The following BAZ1A variants were observed in gnomAD, a reference collection of about 807,000 sequenced individuals.
The protein encoded by BAZ1A is bromodomain adjacent to zinc finger domain protein 1A.
In BAZ1A, 50 loss-of-function variants were observed where a neutral mutation model predicts 185.2. The ratio of observed to expected loss-of-function variants is 0.27; its 90% CI spans 0.22 to 0.34. The LOEUF is 0.34. BAZ1A is among the 10% of genes least tolerant of loss of function. The pLI is 1.00. For synonymous variants in BAZ1A, 571 were observed against 615.6 expected (o/e 0.93, Z 1.07); for missense variants, 1,356 against 1,839.9 (o/e 0.74, Z 4.81).
chr14:34,825,904 C>G, intron 4 of BAZ1A, 109 bp downstream of exon 4: 1 of 1,148,656 alleles, frequency 8.7e-7, no homozygotes, highest in Non-Finnish European at 1.2e-6. Context: ...AGCCACTGTA[C>G]TCCAGCCTGG....
chr14:34,810,129 T>C (rs1181602744), intron 5 of BAZ1A, among the ~76,000 whole-genome samples: 2 of 152,036 alleles, frequency 1.3e-5, no homozygotes, highest in Non-Finnish European at 2.9e-5. Flanking sequence ...CATGAATATA[T>C]ATGGAACAAA....
At chr14:34,770,624 C>G (rs1336678086) in intron 21 of BAZ1A, among the ~76,000 whole-genome samples, 2 of 152,112 alleles carry the variant, frequency 1.3e-5, no homozygotes, top group Non-Finnish European at 2.9e-5. Flanking sequence ...GAATTAGAGA[C>G]AGTTATGATA....
chr14:34,793,711 G>A (rs548084465), intron 11 of BAZ1A, among the ~76,000 whole-genome samples: 98 of 152,290 alleles, frequency 6.4e-4, no homozygotes, highest in African/African-American at 2.2e-3. Context: ...TTGGGAGGCC[G>A]AGGCGGGCAG....
chr14:34,826,031 C>T lies in BAZ1A; in HGVS notation c.518G>A (p.Ser173Asn). The change falls in exon 4 of 27, where the codon AGC becomes AAC. Residue 173 changes from serine (S) to asparagine (N), a missense_variant. Ser to Asn is a conservative substitution (Grantham distance 46). This residue lies in a region of BAZ1A where 332 missense variants were observed against 395.3 expected (regional missense o/e 0.84). Coordinates refer to ENST00000360310, the MANE Select transcript of BAZ1A (RefSeq NM_013448.3). ...CACTTACCCATTTTGAAAAGAACAG[C>T]TTTGTGTTTCTGAATCATCACTATC... ...ISDSDDSETQ[S>N]CSFQNGKKKD... is the part of the protein sequence containing the mutation. 1.3e-6 allele frequency: 2 copies of T among 1,578,630 alleles called. No individual in the cohort carries two copies. Among genetic ancestry groups the T allele is most frequent in the Non-Finnish European group, 1.7e-6 (2 of 1,162,014 alleles).
intron 3 of BAZ1A, among the ~76,000 whole-genome samples, chr14:34,841,477 C>T (rs961989048): frequency 2.0e-4 from 30 of 152,060 alleles, no homozygotes; most frequent in African/African-American, 6.3e-4. Context: ...TTGCAACCTC[C>T]GCCTCCTGGG....
In BAZ1A at chr14:34,754,493, A is replaced by C. The variant is rs1004020792; in HGVS notation, c.4474+334T>G. Among the ~76,000 whole-genome samples the C allele has an allele frequency of 2.6e-5, 4 of 152,144 alleles. No homozygotes were observed. The South Asian group carries it at 8.3e-4, about 31-fold the overall frequency. ...AACAAGGTAGCAGAACTGAGGCTTA[A>C]AACTGTTTAACTGTAAATACTTTAA... On this transcript the variant is annotated intron_variant, in intron 26 of 26. Transcript: ENST00000360310.
intron 6 of BAZ1A, among the ~76,000 whole-genome samples, 153 bp from the exon 7 acceptor site, chr14:34,803,141 G>A (rs569539659): frequency 7.9e-4 from 120 of 152,276 alleles, no homozygotes; most frequent in African/African-American, 2.7e-3. Flanking sequence ...AGCACTTTGG[G>A]AGGCCGAGGC....
chr14:34,823,169 C>T (rs1191838563), intron 4 of BAZ1A, among the ~76,000 whole-genome samples: 4 of 152,022 alleles, frequency 2.6e-5, no homozygotes. Context: ...GCCTGGCCAT[C>T]ATGGTGAAAC....
rs185991610 is a variant in BAZ1A, at chr14:34,784,560, C to T, written c.1832-633G>A. Among the ~76,000 whole-genome samples the T allele has an allele frequency of 6.0e-3, 912 of 151,744 alleles. 6 individuals carry two copies. Among genetic ancestry groups the T allele is most frequent in the African/African-American group, 0.02 (841 of 41,418 alleles). On this transcript the variant is annotated intron_variant, in intron 14 of 26. Coordinates refer to ENST00000360310, the MANE Select transcript of BAZ1A (RefSeq NM_013448.3). ...TGAGACGGAGTCTCGCTCTGACGCC[C>T]AGGCTGGAGTGCAGTGGCGCGATCT... is the stretch of plus-strand genomic sequence containing the variant.
intron 2 of BAZ1A, among the ~76,000 whole-genome samples, chr14:34,866,502 A>AAAAAAAAAAAAAAAAAAAAAAAAGAAAG: frequency 8.8e-5 from 7 of 79,534 alleles, no homozygotes; most frequent in East Asian, 2.7e-4. Context: ...AAAAAAAAAA[A>AAAAAAAAAAAAAAAAAAAAAAAAGAAAG]GAAAAAAGTT....
At position 34,874,948 on chromosome 14, in the gene BAZ1A, CT is replaced by C. The variant is rs1342043278; in HGVS notation, c.-59+189del. On this transcript the variant is annotated intron_variant, in intron 1 of 26. Coordinates refer to ENST00000360310, the MANE Select transcript of BAZ1A (RefSeq NM_013448.3). This position sits in a 1 kb window ranked among gnomAD's most constrained non-coding sequence, Gnocchi z 4.7. The stretch of plus-strand genomic sequence containing the variant: ...GCAGTGCGGGAGCGGCGGCGGCCCC[CT>C]CCCCCAGCGCCGGCTCCTCGCCCGC... The C allele has an allele frequency of 6.6e-6, 1 of 151,656 alleles. No individual in the cohort carries two copies. The highest frequency in any genetic ancestry group is 1.5e-5 in the Non-Finnish European group (1 of 68,766). The allele number at this position is 151,656 out of a possible 1,614,324, so 9.4% of individuals were successfully genotyped here. A position where few individuals can be genotyped will look rare whatever the true frequency, so the allele number is the denominator to read the frequency against.
intron 2 of BAZ1A, among the ~76,000 whole-genome samples, chr14:34,863,959 G>A (rs1182978725): frequency 6.6e-6 from 1 of 151,654 alleles, no homozygotes; most frequent in African/African-American, 2.4e-5. Flanking sequence ...GAGTATTTGG[G>A]ACTACAGGTG....
intron 3 of BAZ1A, among the ~76,000 whole-genome samples, chr14:34,833,514 C>G (rs181358709): frequency 6.6e-6 from 1 of 151,950 alleles, no homozygotes; most frequent in African/African-American, 2.4e-5. Context: ...TGCGACAGAG[C>G]GAGACTCCAT....
chr14:34,858,937 A>G (rs973855524), intron 3 of BAZ1A, among the ~76,000 whole-genome samples: 1 of 152,170 alleles, frequency 6.6e-6, no homozygotes, highest in Non-Finnish European at 1.5e-5. Context: ...GGCAGGGATC[A>G]TGCCTGGCAT....
chr14:34,860,870 C>T (rs2042758487), intron 3 of BAZ1A, among the ~76,000 whole-genome samples: 1 of 151,960 alleles, frequency 6.6e-6, no homozygotes, highest in African/African-American at 2.4e-5. Flanking sequence ...TGCACTCCAG[C>T]CTGGGCAACA....
At chr14:34,863,325 G>A (rs554283851) in intron 2 of BAZ1A, among the ~76,000 whole-genome samples, 13 of 151,562 alleles carry the variant, frequency 8.6e-5, no homozygotes, top group Admixed American at 1.3e-4. Context: ...CACCACGCCC[G>A]GCTAATTTTG....
intron 4 of BAZ1A, among the ~76,000 whole-genome samples, chr14:34,813,133 A>G (rs1430491640): frequency 1.3e-5 from 2 of 152,196 alleles, no homozygotes; most frequent in Non-Finnish European, 2.9e-5. Context: ...CTGTAATTGC[A>G]GCACTTTGTG....
chr14:34,832,885 C>G (rs2138733983), intron 3 of BAZ1A, among the ~76,000 whole-genome samples: 1 of 152,240 alleles, frequency 6.6e-6, no homozygotes, highest in South Asian at 2.1e-4. Context: ...CAGTATTATT[C>G]ACAATAGCTA....
intron 21 of BAZ1A, among the ~76,000 whole-genome samples, chr14:34,765,534 C>T (rs1404151463): frequency 6.6e-6 from 1 of 152,150 alleles, no homozygotes; most frequent in East Asian, 1.9e-4. Context: ...ATAATTCAGA[C>T]AATGTGTTCT....
Sources: allele counts gnomAD v4.1 joint callset (sites outside exome capture counted in the v4.1 genomes callset), GRCh38; gene constraint gnomAD v4.1.1; regional missense constraint gnomAD v4.1.1; non-coding constraint Gnocchi (gnomAD v3.1); transcripts MANE v1.5; gene names NCBI Gene and HGNC (gene_info 2026-07-23, HGNC 2026-07-21).